The following ULK4 variants were observed in gnomAD, a reference collection of about 807,000 sequenced individuals.
The protein encoded by ULK4 is unc-51 like kinase 4.
In ULK4, 133 loss-of-function variants were observed where a neutral mutation model predicts 160.6. The ratio of observed to expected loss-of-function variants is 0.83; its 90% CI spans 0.72 to 0.96. The LOEUF (loss-of-function observed/expected upper bound fraction) is 0.96, where lower values mean the gene tolerates loss of function less well. Among genes scored for constraint, ULK4 ranks in the 40% least tolerant of loss-of-function variants. ULK4 has a pLI of 0.00. For missense variants in ULK4, 1,580 were observed against 1,499.5 expected, an observed-to-expected ratio of 1.05 and a Z score of -0.89; for synonymous variants, 534 against 539.8, an observed-to-expected ratio of 0.99 and a Z score of 0.15.
chr3:41,277,503 T>A (rs1182609625), intron 35 of ULK4, among the ~76,000 whole-genome samples: 2 of 152,146 alleles, frequency 1.3e-5, no homozygotes, highest in Non-Finnish European at 2.9e-5. Context: ...AAAAATCACA[T>A]GATCATCTCA....
chr3:41,258,756 G>A (rs1242621195), intron 35 of ULK4, among the ~76,000 whole-genome samples: 1 of 152,064 alleles, frequency 6.6e-6, no homozygotes, highest in Non-Finnish European at 1.5e-5. Flanking sequence ...ATGCTGCTAA[G>A]ACATCTGCCT....
chr3:41,426,805 C>CA (rs2125842219), intron 34 of ULK4, among the ~76,000 whole-genome samples: 1 of 151,842 alleles, frequency 6.6e-6, no homozygotes, highest in East Asian at 1.9e-4. Context: ...ATGCCCACGT[C>CA]AAAAAACTAG....
chr3:41,492,247 A>G (rs2084801895), intron 32 of ULK4, among the ~76,000 whole-genome samples: 1 of 152,196 alleles, frequency 6.6e-6, no homozygotes, highest in South Asian at 2.1e-4. Context: ...GTATATACCC[A>G]GCAATGGGAT....
chr3:41,869,669 C>A (rs2125691866), intron 17 of ULK4, among the ~76,000 whole-genome samples: 1 of 152,314 alleles, frequency 6.6e-6, no homozygotes, highest in Non-Finnish European at 1.5e-5. Context: ...AACACTTCCG[C>A]ATGTGTTCCT....
At chr3:41,494,590 C>G (rs2084917404) in intron 32 of ULK4, among the ~76,000 whole-genome samples, 1 of 151,980 alleles carries the variant, frequency 6.6e-6, no homozygotes, top group Non-Finnish European at 1.5e-5. Context: ...GACAATTAGG[C>G]AGGAGAAGGA....
intron 31 of ULK4, among the ~76,000 whole-genome samples, chr3:41,607,142 G>A (rs951722096): frequency 6.6e-6 from 1 of 152,022 alleles, no homozygotes; most frequent in African/African-American, 2.4e-5. Context: ...GTGAGAGAGA[G>A]GGGTCTCAAG....
chr3:41,574,578 GC>G (rs1465985605), intron 31 of ULK4, among the ~76,000 whole-genome samples: 6 of 122,026 alleles, frequency 4.9e-5, no homozygotes, highest in Non-Finnish European at 8.0e-5. Context: ...GTCTTGCTCT[GC>G]CACCCAGGCT....
intron 30 of ULK4, among the ~76,000 whole-genome samples, chr3:41,662,089 A>G (rs1412456305): frequency 1.3e-5 from 2 of 152,206 alleles, no homozygotes; most frequent in Non-Finnish European, 2.9e-5. Context: ...CAGGAAATAT[A>G]TAACTATCTG....
At chr3:41,707,854 A>C (rs922616290) in intron 25 of ULK4, among the ~76,000 whole-genome samples, 2 of 152,024 alleles carry the variant, frequency 1.3e-5, no homozygotes, top group African/African-American at 4.8e-5. Flanking sequence ...AAAAAGTCAA[A>C]GGATTGAATA....
rs188074524 is a variant in ULK4 at position 41,445,069 on chromosome 3, T to C, written c.3492+10428A>G. On this transcript the variant is annotated intron_variant, in intron 34 of 36. Transcript: ENST00000301831. ...TGTGCAAAAATCACAAGCATTCTTATACACCAATAACAGACAAACAGAGAG... is the reference window on the plus strand; with the variant it reads ...TGTGCAAAAATCACAAGCATTCTTACACACCAATAACAGACAAACAGAGAG... Among the ~76,000 whole-genome samples, 634 of 152,260 alleles carry C rather than the reference T, an allele frequency of 4.2e-3. 4 individuals carry two copies. The highest frequency in any genetic ancestry group is 0.015 in the African/African-American group (607 of 41,554).
At chr3:41,249,101 G>A (rs1489654316) in intron 36 of ULK4, among the ~76,000 whole-genome samples, 1 of 152,200 alleles carries the variant, frequency 6.6e-6, no homozygotes, top group African/African-American at 2.4e-5. Flanking sequence ...TGATGAGGAT[G>A]CCTCTGGCTG....
intron 34 of ULK4, among the ~76,000 whole-genome samples, chr3:41,422,810 A>C (rs1051748241): frequency 1.3e-5 from 2 of 152,198 alleles, no homozygotes; most frequent in South Asian, 4.1e-4. Context: ...AAACGTGTTT[A>C]TATCTAACCA....
chr3:41,421,438 A>G (rs935264318), intron 34 of ULK4, among the ~76,000 whole-genome samples: 13 of 152,188 alleles, frequency 8.5e-5, no homozygotes, highest in Non-Finnish European at 1.5e-4. Flanking sequence ...TAAGAAAATA[A>G]CCTTCAATAT....
intron 32 of ULK4, among the ~76,000 whole-genome samples, chr3:41,546,507 T>G (rs2086868065): frequency 6.6e-6 from 1 of 152,156 alleles, no homozygotes; most frequent in East Asian, 1.9e-4. Context: ...AGTTCAGCTC[T>G]CAGCCTTGCA....
intron 22 of ULK4, among the ~76,000 whole-genome samples, chr3:41,752,039 G>A (rs934864892): frequency 1.3e-5 from 2 of 152,202 alleles, no homozygotes; most frequent in Non-Finnish European, 2.9e-5. Flanking sequence ...GTGACTGGGT[G>A]TTACTGGAGG....
chr3:41,519,589 A>G (rs778067577), intron 32 of ULK4, among the ~76,000 whole-genome samples: 3 of 152,228 alleles, frequency 2.0e-5, no homozygotes, highest in Non-Finnish European at 4.4e-5. Flanking sequence ...TGAAGCATAC[A>G]TGAACATGTA....
chr3:41,701,440 G>C (rs2036673168), intron 27 of ULK4, among the ~76,000 whole-genome samples: 1 of 152,038 alleles, frequency 6.6e-6, no homozygotes, highest in African/African-American at 2.4e-5. Flanking sequence ...AATAACATCT[G>C]GGCAGTGCTG....
intron 17 of ULK4, among the ~76,000 whole-genome samples, chr3:41,854,487 T>C (rs952038904): frequency 6.6e-6 from 1 of 152,092 alleles, no homozygotes; most frequent in Admixed American, 6.6e-5. Flanking sequence ...ACTGCCACAG[T>C]GAGTCAAAGG....
intron 30 of ULK4, among the ~76,000 whole-genome samples, chr3:41,641,360 A>C (rs1259172908): frequency 2.0e-5 from 3 of 152,186 alleles, no homozygotes; most frequent in African/African-American, 7.2e-5. Flanking sequence ...ATAAAAAGAA[A>C]ACAAAAACTA....
Sources: allele counts gnomAD v4.1 joint callset (sites outside exome capture counted in the v4.1 genomes callset), GRCh38; gene constraint gnomAD v4.1.1; transcripts MANE v1.5; gene names NCBI Gene and HGNC (gene_info 2026-07-23, HGNC 2026-07-21).